The following SLCO1B3 variants were observed in gnomAD, a reference collection of about 807,000 sequenced individuals.
SLCO1B3 encodes liver-specific organic anion transporter 2.
Under a neutral mutation model 71.8 loss-of-function variants are expected in SLCO1B3, and 72 were observed. The ratio of observed to expected loss-of-function variants is 1.00; its 90% CI spans 0.83 to 1.22. The LOEUF (loss-of-function observed/expected upper bound fraction) is 1.22. Ranked by LOEUF, SLCO1B3 falls within the 50% of genes most tolerant of loss-of-function variation. The probability of loss-of-function intolerance (pLI) is 0.00; values close to 1 mark genes in which losing one functional copy is unlikely to be tolerated. For synonymous variants in SLCO1B3, 298 were observed against 278.4 expected (o/e 1.07, Z -0.70); for missense variants, 911 against 819.7 (o/e 1.11, Z -1.36).
chr12:20,883,297 T>C, intron 12 of SLCO1B3, 121 bp from the exon 13 acceptor site: 1 of 563,416 alleles, frequency 1.8e-6, no homozygotes, highest in East Asian at 3.5e-5. Flanking sequence ...ACTATATTTT[T>C]ATAACATTTT....
rs758058223 is a variant in SLCO1B3 at position 20,881,030 on chromosome 12, A to T, written c.1497+10A>T. Reference sequence around the variant, plus strand: ...TATTAAAAAGCATACAGTGAGTATTAGTTTTCACTTTTTCTCCTCTCCTTA... The same window carrying T: ...TATTAAAAAGCATACAGTGAGTATTTGTTTTCACTTTTTCTCCTCTCCTTA... On this transcript the variant is annotated intron_variant, in intron 12 of 15. Transcript: ENST00000381545. The T allele has an allele frequency of 1.9e-6, 3 of 1,570,616 alleles. No homozygotes were observed. In the African/African-American group the frequency reaches 4.1e-5, roughly 22 times the overall value.
chr12:20,835,279 A>G (rs2121149102), intron 3 of SLCO1B3, among the ~76,000 whole-genome samples: 1 of 152,234 alleles, frequency 6.6e-6, no homozygotes, highest in East Asian at 1.9e-4. Context: ...AAGGTCTCTG[A>G]TGTGCCCTGG....
intron 3 of SLCO1B3, among the ~76,000 whole-genome samples, chr12:20,852,490 T>A (rs1003984409): frequency 3.3e-5 from 5 of 152,198 alleles, no homozygotes; most frequent in African/African-American, 1.2e-4. Context: ...ATTCAAAATT[T>A]AAAAAATTAA....
At chr12:20,910,700 T>G (rs1324218501) in intron 15 of SLCO1B3, among the ~76,000 whole-genome samples, 1 of 152,158 alleles carries the variant, frequency 6.6e-6, no homozygotes, top group African/African-American at 2.4e-5. Context: ...ACCCAATGTT[T>G]CATTTTTGGG....
At chr12:20,875,198 C>G (rs746360624) in intron 8 of SLCO1B3, 37 bp from the exon 9 acceptor site, 2 of 1,609,522 alleles carry the variant, frequency 1.2e-6, no homozygotes, top group Middle Eastern at 1.7e-4. Context: ...TATTTCAAAA[C>G]GATTTTTGAC....
In SLCO1B3 at chr12:20,916,219, A is replaced by T; in HGVS notation, c.2081A>T (p.Asp694Val). Residue 694 changes from aspartate (D) to valine (V), a missense_variant, in exon 16 of 16, where the codon GAC becomes GTC. Physicochemically the swap from Asp to Val is radical, Grantham distance 152. Transcript: ENST00000381545. ...ACAGATAGTAAAACATGTAATTTGG[A>T]CATGCAAGACAATGCTGCTGCCAAC... ...AGTDSKTCNL[D>V]MQDNAAAN 2 of 1,613,034 alleles carry T rather than the reference A, an allele frequency of 1.2e-6. No individual in the cohort carries two copies. Among genetic ancestry groups the T allele is most frequent in the South Asian group, 1.1e-5 (1 of 91,046 alleles).
rs528921661 is a variant in SLCO1B3 at position 20,829,088 on chromosome 12, G to A, written c.84+13266G>A. ...TTTTCTTTGGCTTTGACCATGTTGA[G>A]TAGAGTTGGTCAAACCTAACGGGAA... On this transcript the variant is annotated intron_variant, in intron 3 of 15. Transcript: ENST00000381545. 1.1e-3 allele frequency among the ~76,000 whole-genome samples: 162 copies of A among 152,204 alleles called. 4 individuals carry two copies. In the South Asian group the frequency reaches 0.033, roughly 31 times the overall value.
intron 5 of SLCO1B3, 140 bp from the exon 6 acceptor site, chr12:20,860,877 C>A: frequency 1.2e-6 from 1 of 836,984 alleles, no homozygotes; most frequent in Non-Finnish European, 1.8e-6. Flanking sequence ...GAAATACATG[C>A]TGGGAAGTTG....
intron 9 of SLCO1B3, among the ~76,000 whole-genome samples, chr12:20,876,914 T>C (rs1423416988): frequency 3.3e-5 from 5 of 152,064 alleles, no homozygotes; most frequent in African/African-American, 1.2e-4. Context: ...CACTGCAACC[T>C]CCACCTCCCA....
intron 11 of SLCO1B3, among the ~76,000 whole-genome samples, 160 bp downstream of exon 11, chr12:20,879,791 A>G (rs931953527): frequency 2.0e-5 from 3 of 152,170 alleles, no homozygotes; most frequent in African/African-American, 7.2e-5. Context: ...TCCTAAGACA[A>G]TAAAAATTTG....
intron 8 of SLCO1B3, among the ~76,000 whole-genome samples, chr12:20,863,834 C>A (rs1238486681): frequency 6.6e-6 from 1 of 152,146 alleles, no homozygotes; most frequent in Non-Finnish European, 1.5e-5. Flanking sequence ...ATCTGTTTTA[C>A]CACTAATAAA....
intron 3 of SLCO1B3, among the ~76,000 whole-genome samples, chr12:20,828,646 T>TAC (rs142800781): frequency 0.022 from 3,273 of 149,666 alleles, 84 homozygotes; most frequent in African/African-American, 0.063. Flanking sequence ...CACACACACA[T>TAC]ACACACACAC....
At chr12:20,889,948 C>T (rs1349492402) in intron 13 of SLCO1B3, among the ~76,000 whole-genome samples, 1 of 150,642 alleles carries the variant, frequency 6.6e-6, no homozygotes, top group African/African-American at 2.4e-5. Context: ...GACAGAATCT[C>T]ACTCTGTCAC....
intron 8 of SLCO1B3, among the ~76,000 whole-genome samples, chr12:20,867,652 G>A (rs547178615): frequency 2.0e-5 from 3 of 152,268 alleles, no homozygotes; most frequent in East Asian, 1.9e-4. Flanking sequence ...ATTCAAGACT[G>A]TTTTGATGTA....
At position 20,901,459 on chromosome 12, in the gene SLCO1B3, A is replaced by AT. The variant is rs755293643; in HGVS notation, c.1863dup (p.Gly622TrpfsTer41). Reference sequence around the variant, plus strand: ...GGGCTTGTAGGATATATAATTCCGTATTTTTTGGGTAAGTTGTCGTAAACA... The same window carrying AT: ...GGGCTTGTAGGATATATAATTCCGTATTTTTTTGGGTAAGTTGTCGTAAACA... On this transcript the variant is annotated frameshift_variant, in exon 15 of 16. Coordinates refer to ENST00000381545, the MANE Select transcript of SLCO1B3 (RefSeq NM_019844.4). LOFTEE classifies it high-confidence loss of function. 6.6e-7 allele frequency: 1 copy of AT among 1,519,378 alleles called. No homozygotes were observed. The allele number at this position is 1,519,378 out of a possible 1,614,324, so 94.1% of individuals were successfully genotyped here. A position where few individuals can be genotyped will look rare whatever the true frequency, so the allele number is the denominator to read the frequency against.
At chr12:20,903,149 G>A (rs1338483686) in intron 15 of SLCO1B3, among the ~76,000 whole-genome samples, 1 of 152,052 alleles carries the variant, frequency 6.6e-6, no homozygotes, top group Non-Finnish European at 1.5e-5. Context: ...TGTCATTGCT[G>A]GAGGTGATGT....
chr12:20,878,833 T>G (rs2196029), intron 10 of SLCO1B3, among the ~76,000 whole-genome samples: 109,888 of 151,950 alleles, frequency 0.72, 42,312 homozygotes, highest in South Asian at 0.88. Context: ...TATGTAGACA[T>G]TTTTATCATA....
chr12:20,825,859 C>T (rs1864411391), intron 3 of SLCO1B3, among the ~76,000 whole-genome samples: 1 of 148,808 alleles, frequency 6.7e-6, no homozygotes, highest in East Asian at 2.0e-4. Context: ...AGAATTAGGA[C>T]TTTAAAAGCA....
At chr12:20,910,197 T>C (rs976868962) in intron 15 of SLCO1B3, among the ~76,000 whole-genome samples, 3 of 152,232 alleles carry the variant, frequency 2.0e-5, no homozygotes, top group Non-Finnish European at 4.4e-5. Flanking sequence ...CCAGCACCAT[T>C]TGTTGCAAAT....
Sources: gnomAD v4.1 joint callset for allele counts (sites outside exome capture counted in the v4.1 genomes callset) on GRCh38, gnomAD v4.1.1 for gene constraint, MANE v1.5 for transcripts, NCBI Gene and HGNC (gene_info 2026-07-23, HGNC 2026-07-21) for gene names.